The following ARHGEF3 variants were observed in gnomAD, a reference collection of about 807,000 sequenced individuals.
The protein encoded by ARHGEF3 is 59.8 kDA protein.
A neutral mutation model predicts 63.2 loss-of-function variants in ARHGEF3; 28 were observed. That is an observed-to-expected ratio of 0.44 (90% CI 0.33 to 0.61). The LOEUF (loss-of-function observed/expected upper bound fraction) is 0.61. Ranked by LOEUF, ARHGEF3 falls within the 20% of genes least tolerant of loss-of-function variation. The pLI is 0.03. For missense variants in ARHGEF3, 533 were observed against 659.3 expected (o/e 0.81, Z 2.10); for synonymous variants, 266 against 254.2 (o/e 1.05, Z -0.44).
At chr3:56,838,125 G>A (rs893108669) in intron 4 of ARHGEF3, among the ~76,000 whole-genome samples, 1 of 152,102 alleles carries the variant, frequency 6.6e-6, no homozygotes, top group Non-Finnish European at 1.5e-5. Flanking sequence ...GCCATAACAT[G>A]TAACATTATG....
intron 9 of ARHGEF3, among the ~76,000 whole-genome samples, chr3:56,730,388 C>CTTT (rs66881414): frequency 4.4e-5 from 6 of 137,284 alleles, no homozygotes; most frequent in Admixed American, 7.4e-5. Context: ...TTTATTTAAT[C>CTTT]TTTTTTTTTT....
rs5849170 is a variant in ARHGEF3, at chr3:56,823,986, GAAAA to G, written c.193-50174_193-50171del. ...CAAAGAGAAAAGATCTTGAGGAAAG[GAAAA>G]AAAAAAAAAAAAAAACAGAACGAGC... On this transcript the variant is annotated intron_variant, in intron 4 of 12. Transcript: ENST00000338458. Among the ~76,000 whole-genome samples, 999 of 126,386 alleles carry G rather than the reference GAAAA, an allele frequency of 7.9e-3. 15 individuals carry two copies. The highest frequency in any genetic ancestry group is 0.061 in the East Asian group (260 of 4,292). The allele number at this position is 126,386 out of a possible 152,430, so 82.9% of individuals were successfully genotyped here.
rs538799922 is a variant in ARHGEF3, at chr3:56,947,012, A to C, written c.129+11811T>G. On this transcript the variant is annotated intron_variant, in intron 3 of 12. Coordinates refer to the ARHGEF3 transcript ENST00000338458. ...AAAAGAATTTCCAACCCAGAATTTC[A>C]TATCCAGCCAAACTAAGCTTCAGAA... 3.3e-5 allele frequency among the ~76,000 whole-genome samples: 5 copies of C among 152,350 alleles called. 1 individual carries two copies. The highest frequency in any genetic ancestry group is 9.6e-5 in the African/African-American group (4 of 41,594).
intron 2 of ARHGEF3, among the ~76,000 whole-genome samples, chr3:57,010,655 T>C (rs558211506): frequency 2.7e-4 from 41 of 152,254 alleles, no homozygotes; most frequent in Admixed American, 7.9e-4. Context: ...ATGCCAACTT[T>C]AGGTGTGTAA....
At chr3:57,049,095 C>T (rs2107295089) in intron 1 of ARHGEF3, among the ~76,000 whole-genome samples, 1 of 152,208 alleles carries the variant, frequency 6.6e-6, no homozygotes, top group East Asian at 1.9e-4. Context: ...AGGAGCCGGG[C>T]ACGGTGGCTT....
intron 1 of ARHGEF3, among the ~76,000 whole-genome samples, chr3:56,800,368 C>T (rs1005943934): frequency 6.6e-6 from 1 of 152,216 alleles, no homozygotes; most frequent in Admixed American, 6.5e-5. Context: ...AACCTGAATT[C>T]TATGCAAATG....
At chr3:56,751,263 C>G in intron 5 of ARHGEF3, 37 bp downstream of exon 5, 3 of 1,578,618 alleles carry the variant, frequency 1.9e-6, no homozygotes, top group East Asian at 2.2e-5. Context: ...TCAGTTAAGG[C>G]TACAAGTCAC....
chr3:57,045,166 C>T (rs2107278808), intron 1 of ARHGEF3, among the ~76,000 whole-genome samples: 1 of 152,292 alleles, frequency 6.6e-6, no homozygotes, highest in Non-Finnish European at 1.5e-5. Flanking sequence ...ACTGGGGAGG[C>T]TGAGGCAGGA....
At chr3:56,931,957 TTTG>T (rs1165481161) in intron 3 of ARHGEF3, among the ~76,000 whole-genome samples, 4 of 152,192 alleles carry the variant, frequency 2.6e-5, no homozygotes, top group Admixed American at 6.5e-5. Flanking sequence ...ATGGGGTTTT[TTTG>T]TTGTTGTTGT....
At chr3:57,011,822 T>C (rs987459148) in intron 2 of ARHGEF3, among the ~76,000 whole-genome samples, 1 of 152,190 alleles carries the variant, frequency 6.6e-6, no homozygotes, top group African/African-American at 2.4e-5. Flanking sequence ...GAAAGTATTT[T>C]ATCACTGCAG....
chr3:56,784,475 C>T (rs1299640540), intron 1 of ARHGEF3, among the ~76,000 whole-genome samples: 1 of 152,234 alleles, frequency 6.6e-6, no homozygotes, highest in Non-Finnish European at 1.5e-5. Flanking sequence ...CTCCTGGTCA[C>T]AGCCACGGGG....
intron 2 of ARHGEF3, among the ~76,000 whole-genome samples, chr3:56,997,395 G>T (rs755228405): frequency 3.3e-5 from 5 of 152,112 alleles, no homozygotes; most frequent in Non-Finnish European, 7.3e-5. Context: ...CGGGCCCAGG[G>T]ATCAGGTGGA....
chr3:57,000,545 T>G (rs1702155062), intron 2 of ARHGEF3, among the ~76,000 whole-genome samples: 1 of 152,136 alleles, frequency 6.6e-6, no homozygotes, highest in South Asian at 2.1e-4. Context: ...TTTGTGTGCA[T>G]GTGTGTGAGA....
intron 2 of ARHGEF3, among the ~76,000 whole-genome samples, chr3:57,012,996 G>T (rs1183331884): frequency 1.3e-5 from 2 of 152,210 alleles, no homozygotes; most frequent in Non-Finnish European, 2.9e-5. Context: ...GCAGTGAGGG[G>T]CTTAGCACCC....
intron 1 of ARHGEF3, among the ~76,000 whole-genome samples, chr3:57,045,114 A>T (rs1704390830): frequency 6.6e-6 from 1 of 152,154 alleles, no homozygotes; most frequent in Non-Finnish European, 1.5e-5. Flanking sequence ...TAAAAATACA[A>T]AAATTAGCTG....
chr3:56,925,916 A>G (rs2042263109), intron 3 of ARHGEF3, among the ~76,000 whole-genome samples: 2 of 152,226 alleles, frequency 1.3e-5, no homozygotes, highest in Admixed American at 1.3e-4. Flanking sequence ...CTTCTTGGGG[A>G]AGAAATGCAG....
intron 1 of ARHGEF3, among the ~76,000 whole-genome samples, chr3:56,774,038 G>A (rs2036157243): frequency 1.3e-5 from 2 of 152,138 alleles, no homozygotes; most frequent in African/African-American, 4.8e-5. Context: ...CAGTATCTGG[G>A]AAGACAGAAA....
intron 4 of ARHGEF3, among the ~76,000 whole-genome samples, chr3:56,875,537 T>C (rs1040680025): frequency 1.4e-4 from 22 of 152,142 alleles, no homozygotes; most frequent in African/African-American, 5.3e-4. Flanking sequence ...CCATATACTA[T>C]AACAAAAATC....
chr3:56,730,343 T>A (rs909783962), intron 9 of ARHGEF3, among the ~76,000 whole-genome samples: 32 of 149,174 alleles, frequency 2.1e-4, no homozygotes, highest in African/African-American at 7.9e-4. Flanking sequence ...CATCTGCATT[T>A]AAAAAAAAAT....
Sources: allele counts gnomAD v4.1 joint callset (sites outside exome capture counted in the v4.1 genomes callset), GRCh38; gene constraint gnomAD v4.1.1; transcripts MANE v1.5; gene names NCBI Gene and HGNC (gene_info 2026-07-23, HGNC 2026-07-21).